The following APOB variants were observed in gnomAD, a reference collection of about 807,000 sequenced individuals.
The protein encoded by APOB is apolipoprotein B.
Under a neutral mutation model 314.1 loss-of-function variants are expected in APOB, and 153 were observed. The observed-to-expected ratio is 0.49, with a 90% CI of 0.43 to 0.56. The LOEUF is 0.56. APOB is among the 20% of genes least tolerant of loss of function. The pLI, the probability that APOB is intolerant of heterozygous loss-of-function variation, is 0.00. For missense variants in APOB, 5,430 were observed against 5,350.7 expected (o/e 1.01, Z -0.46); for synonymous variants, 2,087 against 2,036.4 (o/e 1.02, Z -0.67).
chr2:21,013,135 C>A (rs376272566), intron 25 of APOB, 25 bp downstream of exon 25: 2 of 1,612,780 alleles, frequency 1.2e-6, no homozygotes, highest in Non-Finnish European at 1.7e-6. Flanking sequence ...TAGCCCGGTG[C>A]ACCCTTTACC....
Position 21,009,076 on chromosome 2 carries a change from G to A in APOB, c.7792C>T (p.Pro2598Ser), listed in dbSNP as rs1370988843. The A allele has an allele frequency of 6.2e-7, 1 of 1,613,936 alleles. No homozygotes were observed. Among genetic ancestry groups the A allele is most frequent in the Non-Finnish European group, 8.5e-7 (1 of 1,179,956 alleles). Reference protein sequence around the residue: ...PEIKTILGTMPAFEVSLQALQ... With the variant: ...PEIKTILGTMSAFEVSLQALQ... ...GCCTGAAGACTGACTTCAAAGGCAG[G>A]CATGGTCCCAAGGATGGTCTTGATT... Residue 2598 changes from proline to serine, a missense_variant, in exon 26 of 29, where the codon CCT (proline) becomes TCT (serine). Pro to Ser is a moderately conservative substitution (Grantham distance 74). Transcript: ENST00000233242.
Position 21,032,559 on chromosome 2 carries a change from C to A in APOB, c.1147G>T (p.Val383Phe), listed in dbSNP as rs546684381. ...GAGCACTGAGGCTGTCCACACTGAACCAAGGCTTGTAAAGTGATGGGGCTG... is the reference window on the plus strand; with the variant it reads ...GAGCACTGAGGCTGTCCACACTGAAACAAGGCTTGTAAAGTGATGGGGCTG... ...VSSPITLQAL[V>F]QCGQPQCSTH... The change falls in exon 10 of 29, where the codon GTT becomes TTT. Residue 383 changes from valine (V) to phenylalanine (F), a missense_variant. Coordinates refer to ENST00000233242, the MANE Select transcript of APOB (RefSeq NM_000384.3). 6.2e-7 allele frequency: 1 copy of A among 1,614,088 alleles called. No homozygotes were observed. The highest frequency in any genetic ancestry group is 1.7e-5 in the Admixed American group (1 of 60,018).
In APOB at chr2:21,010,685, A is replaced by G; in HGVS notation, c.6183T>C (p.Asp2061=). 1 of 1,614,080 alleles carries G rather than the reference A, an allele frequency of 6.2e-7. No homozygotes were observed. Among genetic ancestry groups the G allele is most frequent in the Non-Finnish European group, 8.5e-7 (1 of 1,179,978 alleles). The change falls in exon 26 of 29, where the codon GAT becomes GAC. Residue 2061 remains aspartate, a synonymous_variant. Coordinates refer to ENST00000233242, the MANE Select transcript of APOB (RefSeq NM_000384.3). ...EFTIVAFVKY[D]KNQDVHSINL... ...TAATGGAGTGAACATCTTGGTTTTT[A>G]TCATACTTTACAAAAGCAACAATTG...
In APOB at chr2:21,009,249, C is replaced by A. The variant is rs571626569; in HGVS notation, c.7619G>T (p.Gly2540Val). 5.0e-4 allele frequency: 804 copies of A among 1,614,072 alleles called. 12 individuals are homozygous for A. In the South Asian group the frequency reaches 8.3e-3, roughly 17 times the overall value. Residue 2540 changes from glycine to valine, a missense_variant, in exon 26 of 29, where the codon GGC (glycine) becomes GTC (valine). This residue lies in a region of APOB where 3,281 missense variants were observed against 3,171.0 expected (regional missense o/e 1.03). Transcript: ENST00000233242. ...GGTGACAAGTGTGCTATAAACCTGG[C>A]CTACCAGAGACAGGTATCGTTGAAG... ...QELQRYLSLV[G>V]QVYSTLVTYI...
At chr2:21,032,959 T>G (rs1663915793) in intron 9 of APOB, among the ~76,000 whole-genome samples, 1 of 152,120 alleles carries the variant, frequency 6.6e-6, no homozygotes, top group Non-Finnish European at 1.5e-5. Flanking sequence ...TCATATTATA[T>G]TTTTCGTCTG....
At position 21,015,059 on chromosome 2, in the gene APOB, A is replaced by C; in HGVS notation, c.3696+14T>G. 3.7e-6 allele frequency: 6 copies of C among 1,611,394 alleles called. No individual in the cohort carries two copies. Among genetic ancestry groups the C allele is most frequent in the Non-Finnish European group, 5.1e-6 (6 of 1,177,788 alleles). ...TATATCCATGTATTTATTGACTGGC[A>C]GACTCATACTTACAACTATTAATTT... is the stretch of plus-strand genomic sequence containing the variant. On this transcript the variant is annotated intron_variant, in intron 23 of 28. Coordinates refer to ENST00000233242, the MANE Select transcript of APOB (RefSeq NM_000384.3).
chr2:21,028,496 G>T lies in APOB; in HGVS notation c.1660C>A (p.Pro554Thr), dbSNP rs1229465067. Reference protein sequence around the residue: ...LLQTFLDDASPGDKRLAAYLM... With the variant: ...LLQTFLDDASTGDKRLAAYLM... ...TAGGCAGCCAGTCGCTTATCTCCCG[G>T]AGAAGCATCATCAAGGAAAGTCTGA... The change falls in exon 13 of 29, where the codon CCG becomes ACG. Residue 554 changes from proline (P) to threonine (T), a missense_variant. Transcript: ENST00000233242. The T allele has an allele frequency of 9.9e-6, 16 of 1,613,680 alleles. No homozygotes were observed. The highest frequency in any genetic ancestry group is 1.4e-5 in the Non-Finnish European group (16 of 1,179,996).
Position 21,035,565 on chromosome 2 carries a change from G to A in APOB, c.818+19C>T. The A allele has an allele frequency of 6.2e-7, 1 of 1,613,754 alleles. No individual in the cohort carries two copies. Among genetic ancestry groups the A allele is most frequent in the Admixed American group, 1.7e-5 (1 of 60,020 alleles). On this transcript the variant is annotated intron_variant, in intron 7 of 28. Coordinates refer to ENST00000233242, the MANE Select transcript of APOB (RefSeq NM_000384.3). Reference sequence around the variant, plus strand: ...CTGACCCATTAAATGACAAATCAGGGGTGCATCACATGACCTACTTGTAGG... The same window carrying A: ...CTGACCCATTAAATGACAAATCAGGAGTGCATCACATGACCTACTTGTAGG...
At chr2:21,039,729 T>C (rs988790442) in intron 4 of APOB, among the ~76,000 whole-genome samples, 1 of 152,158 alleles carries the variant, frequency 6.6e-6, no homozygotes, top group African/African-American at 2.4e-5. Context: ...AAGCCCTCCT[T>C]TTCAAGAACA....
Position 21,001,883 on chromosome 2 carries a change from A to T in APOB, c.13539T>A (p.Phe4513Leu). Residue 4513 changes from phenylalanine (F) to leucine (L), a missense_variant, in exon 29 of 29, where the codon TTT becomes TTA. Physicochemically the swap from Phe to Leu is conservative, Grantham distance 22. Coordinates refer to ENST00000233242, the MANE Select transcript of APOB (RefSeq NM_000384.3). Reference protein sequence around the residue: ...SDQLSDYYEKFIAESKRLIDL... With the variant: ...SDQLSDYYEKLIAESKRLIDL... ...CAATCAATCTTTTGGATTCAGCAAT[A>T]AATTTTTCATAGTAATCAGAGAGTT... The T allele has an allele frequency of 6.2e-7, 1 of 1,614,084 alleles. No individual in the cohort carries two copies. The highest frequency in any genetic ancestry group is 8.5e-7 in the Non-Finnish European group (1 of 1,179,990).
intron 15 of APOB, among the ~76,000 whole-genome samples, chr2:21,026,029 A>G (rs1341236778): frequency 6.6e-6 from 1 of 152,214 alleles, no homozygotes; most frequent in African/African-American, 2.4e-5. Flanking sequence ...TAGAACTCGT[A>G]ATAGTGTCTG....
Position 21,034,903 on chromosome 2 carries a change from TG to T in APOB, c.819-3del. 6.6e-7 allele frequency: 1 copy of T among 1,519,584 alleles called. No individual in the cohort carries two copies. The highest frequency in any genetic ancestry group is 9.1e-7 in the Non-Finnish European group (1 of 1,093,762). The allele number at this position is 1,519,584 out of a possible 1,614,324, so 94.1% of individuals were successfully genotyped here. On this transcript the variant is annotated splice_polypyrimidine_tract_variant and splice_region_variant and intron_variant, in intron 7 of 28. Coordinates refer to ENST00000233242, the MANE Select transcript of APOB (RefSeq NM_000384.3). ...TGTGCTACCATCCCATACTTATTCC[TG>T]GTAACCAAGGAAGCACACCATGTCA...
chr2:21,005,970 C>T lies in APOB; in HGVS notation c.10898G>A (p.Trp3633Ter), dbSNP rs1415670369. The stretch of plus-strand genomic sequence containing the variant: ...AGAATGAATCCGGACTTCATTTTTC[C>T]ATCTGATCTTCTGGTTCTTAGTGTT... ...NANTKNQKIR[W>*]KNEVRIHSGS... The change falls in exon 26 of 29, where the codon TGG becomes TAG. Residue 3633 changes from tryptophan to a stop codon, truncating the protein, a stop_gained. Transcript: ENST00000233242. LOFTEE classifies it high-confidence loss of function. 6.2e-7 allele frequency: 1 copy of T among 1,613,748 alleles called. No individual in the cohort carries two copies. Among genetic ancestry groups the T allele is most frequent in the Non-Finnish European group, 8.5e-7 (1 of 1,179,934 alleles).
At chr2:21,024,395 A>T (rs1181013107) in intron 16 of APOB, 1 of 162,544 alleles carries the variant, frequency 6.2e-6, no homozygotes, top group Admixed American at 6.1e-5. Flanking sequence ...AGGCTGGAGG[A>T]TCACTTGAGG....
Position 21,003,219 on chromosome 2 carries a change from G to C in APOB, c.12203C>G (p.Thr4068Ser), listed in dbSNP as rs754708520. ...WEEEAASGLL[T>S]SLKDNVPKAT... The stretch of plus-strand genomic sequence containing the variant: ...CTTGGGCACGTTGTCTTTCAGAGAG[G>C]TTAGCAAGCCAGAAGCTGCCTCTTC... Residue 4068 changes from threonine (T) to serine (S), a missense_variant, in exon 29 of 29, where the codon ACC becomes AGC. Around this residue, in one of 3 missense-constraint regions of APOB, gnomAD observed 3,281 missense variants for 3,171.0 expected, o/e 1.03. Transcript: ENST00000233242. The C allele has an allele frequency of 1.9e-6, 3 of 1,614,014 alleles. No homozygotes were observed. Among genetic ancestry groups the C allele is most frequent in the Admixed American group, 3.3e-5 (2 of 60,020 alleles).
intron 20 of APOB, among the ~76,000 whole-genome samples, chr2:21,016,993 AT>A (rs1156975999): frequency 0.011 from 1,389 of 126,632 alleles, 47 homozygotes; most frequent in African/African-American, 0.04. Flanking sequence ...CAAAAAATAA[AT>A]AAATAAATAA....
intron 20 of APOB, among the ~76,000 whole-genome samples, chr2:21,018,397 C>T (rs771176061): frequency 3.3e-5 from 5 of 152,146 alleles, no homozygotes; most frequent in Admixed American, 6.5e-5. Flanking sequence ...ATCCTTCCTT[C>T]ACCTCTCCAT....
At chr2:21,042,314 G>T in intron 3 of APOB, 47 bp downstream of exon 3, 1 of 1,484,326 alleles carries the variant, frequency 6.7e-7, no homozygotes. Context: ...AACAGGGCTG[G>T]GGGAAAGCTG....
chr2:21,001,763 C>G lies in APOB; in HGVS notation c.13659G>C (p.Lys4553Asn). The change falls in exon 29 of 29, where the codon AAG (lysine) becomes AAC (asparagine). Residue 4553 changes from lysine (K) to asparagine (N), a missense_variant. Physicochemically the swap from Lys to Asn is moderately conservative, Grantham distance 94 (BLOSUM62 0). Transcript: ENST00000233242. ...QSTTVMNPYM[K>N]LAPGELTIIL ...TGATAGTAAGTTCTCCTGGAGCAAG[C>G]TTCATGTAGGGGTTCATGACTGTGG... is the stretch of plus-strand genomic sequence containing the variant. 1 of 1,613,944 alleles carries G rather than the reference C, an allele frequency of 6.2e-7. No homozygotes were observed. The highest frequency in any genetic ancestry group is 1.7e-5 in the Admixed American group (1 of 60,016).
Sources: gnomAD v4.1 joint callset for allele counts (sites outside exome capture counted in the v4.1 genomes callset) on GRCh38, gnomAD v4.1.1 for gene constraint, gnomAD v4.1.1 regional missense constraint, MANE v1.5 for transcripts, NCBI Gene and HGNC (gene_info 2026-07-23, HGNC 2026-07-21) for gene names.